Variants in GALNT13 observed in about 807,000 individuals in gnomAD.
The protein encoded by GALNT13 is polypeptide N-acetylgalactosaminyltransferase 13.
In GALNT13, 28 loss-of-function variants were observed where a neutral mutation model predicts 64.2. The ratio of observed to expected loss-of-function variants is 0.44; its 90% CI spans 0.32 to 0.60. The LOEUF (loss-of-function observed/expected upper bound fraction) is 0.60, where lower values mean the gene tolerates loss of function less well. GALNT13 is among the 20% of genes least tolerant of loss of function. The pLI, the probability that GALNT13 is intolerant of heterozygous loss-of-function variation, is 0.05. For synonymous variants in GALNT13, 214 were observed against 224.6 expected, an observed-to-expected ratio of 0.95 and a Z score of 0.42; for missense variants, 577 against 669.8, an observed-to-expected ratio of 0.86 and a Z score of 1.53.
the GALNT13 span, among the ~76,000 whole-genome samples, chr2:153,112,853 GT>G: frequency 6.6e-6 from 1 of 152,012 alleles, no homozygotes; most frequent in African/African-American, 2.4e-5. Context: ...CTGTGGTTTA[GT>G]TTTAATCTAT....
intron 4 of GALNT13, among the ~76,000 whole-genome samples, chr2:154,235,798 T>C (rs1022216390): frequency 1.3e-5 from 2 of 152,182 alleles, no homozygotes; most frequent in Non-Finnish European, 2.9e-5. Flanking sequence ...TCAATTTTTA[T>C]TTCTCTGATG....
intron 9 of GALNT13, among the ~76,000 whole-genome samples, chr2:154,391,696 C>A (rs1381823613): frequency 6.6e-6 from 1 of 152,138 alleles, no homozygotes; most frequent in South Asian, 2.1e-4. Context: ...TGTACTAAAC[C>A]TTTTCCAGGC....
the GALNT13 span, among the ~76,000 whole-genome samples, chr2:153,388,335 G>T: frequency 6.6e-6 from 1 of 152,086 alleles, no homozygotes; most frequent in Admixed American, 6.6e-5. Flanking sequence ...GCTATGTGGT[G>T]TAGAAGAAAT....
intron 12 of GALNT13, chr2:154,446,442 T>TA (rs1297182490): frequency 6.9e-6 from 7 of 1,021,464 alleles, no homozygotes; most frequent in Non-Finnish European, 8.0e-6. Flanking sequence ...GCTCCATGGA[T>TA]ACAATTATTG....
chr2:153,876,561 A>C (rs1686394267), intron 1 of GALNT13, among the ~76,000 whole-genome samples: 1 of 152,128 alleles, frequency 6.6e-6, no homozygotes, highest in Non-Finnish European at 1.5e-5. Context: ...ACAGACTTTA[A>C]TCACTTGATA....
At chr2:153,435,833 T>C in the GALNT13 span, among the ~76,000 whole-genome samples, 58 of 152,070 alleles carry the variant, frequency 3.8e-4, no homozygotes, top group African/African-American at 1.4e-3. Flanking sequence ...TTCTCCTGCC[T>C]GATTGCCCTG....
chr2:153,694,485 A>G, the GALNT13 span, among the ~76,000 whole-genome samples: 1 of 152,248 alleles, frequency 6.6e-6, no homozygotes, highest in East Asian at 1.9e-4. Flanking sequence ...CACAGATATA[A>G]TGAATGAAAG....
the GALNT13 span, among the ~76,000 whole-genome samples, chr2:153,597,492 A>T: frequency 6.6e-6 from 1 of 152,158 alleles, no homozygotes; most frequent in African/African-American, 2.4e-5. Flanking sequence ...CTCAAAATGA[A>T]TTCTAGAACT....
the GALNT13 span, among the ~76,000 whole-genome samples, chr2:153,369,141 C>G: frequency 6.6e-6 from 1 of 151,860 alleles, no homozygotes; most frequent in South Asian, 2.1e-4. Context: ...AAAATACAAC[C>G]TATCAAAATG....
At chr2:154,243,385 G>A (rs116201957) in intron 6 of GALNT13, among the ~76,000 whole-genome samples, 1 of 151,800 alleles carries the variant, frequency 6.6e-6, no homozygotes, top group Non-Finnish European at 1.5e-5. Context: ...TAAACTACAC[G>A]AGCACCCTTA....
At chr2:153,765,664 T>C in the GALNT13 span, among the ~76,000 whole-genome samples, 897 of 152,144 alleles carry the variant, frequency 5.9e-3, 4 homozygotes, top group Non-Finnish European at 0.011. Context: ...TGTTTTTAAA[T>C]GTGAAAAGGG....
chr2:154,455,277 C>A (rs1002500607), downstream of GALNT13, among the ~76,000 whole-genome samples: 13 of 152,262 alleles, frequency 8.5e-5, no homozygotes, highest in Middle Eastern at 3.4e-3. Flanking sequence ...CGTATCTGCT[C>A]ACAACCATTT....
At chr2:154,282,065 A>G (rs2105941509) in intron 8 of GALNT13, among the ~76,000 whole-genome samples, 1 of 152,284 alleles carries the variant, frequency 6.6e-6, no homozygotes, top group Non-Finnish European at 1.5e-5. Flanking sequence ...GACATTTTAG[A>G]AGCAAACTGA....
chr2:153,417,341 TTC>T, the GALNT13 span, among the ~76,000 whole-genome samples: 1 of 152,144 alleles, frequency 6.6e-6, no homozygotes, highest in Non-Finnish European at 1.5e-5. Context: ...TTTCTTGGTT[TTC>T]TCTCTCTCAG....
At chr2:154,425,072 C>CA (rs1364199495) in intron 11 of GALNT13, among the ~76,000 whole-genome samples, 2 of 152,082 alleles carry the variant, frequency 1.3e-5, no homozygotes, top group East Asian at 3.9e-4. Context: ...GAGTTGTAAA[C>CA]AATACATAAG....
the GALNT13 span, among the ~76,000 whole-genome samples, chr2:153,431,366 G>A: frequency 6.6e-6 from 1 of 152,084 alleles, no homozygotes; most frequent in Admixed American, 6.6e-5. Flanking sequence ...CGTGAGGCAT[G>A]CCATGTGTAG....
chr2:153,114,650 C>T, the GALNT13 span, among the ~76,000 whole-genome samples: 1 of 152,042 alleles, frequency 6.6e-6, no homozygotes, highest in Non-Finnish European at 1.5e-5. Flanking sequence ...GTTGAAATGA[C>T]AGGCTAATGG....
the GALNT13 span, among the ~76,000 whole-genome samples, chr2:153,092,452 T>C: frequency 6.6e-6 from 1 of 152,190 alleles, no homozygotes; most frequent in East Asian, 1.9e-4. Context: ...TTTAACAAGA[T>C]TCATGCTTCC....
chr2:154,242,394 T>A (rs539677811), intron 5 of GALNT13, among the ~76,000 whole-genome samples, 198 bp downstream of exon 5: 1 of 152,290 alleles, frequency 6.6e-6, no homozygotes, highest in East Asian at 1.9e-4. Context: ...AGCAAATAAC[T>A]AATTCTTTCA....
Sources: allele counts gnomAD v4.1 joint callset (sites outside exome capture counted in the v4.1 genomes callset), GRCh38; gene constraint gnomAD v4.1.1; transcripts MANE v1.5; gene names NCBI Gene and HGNC (gene_info 2026-07-23, HGNC 2026-07-21).